IGSF21: variants seen among roughly 807,000 people sequenced by gnomAD.
IGSF21 encodes immunoglobulin superfamily member 21.
Under a neutral mutation model 46.8 loss-of-function variants are expected in IGSF21, and 28 were observed. The ratio of observed to expected loss-of-function variants is 0.60; its 90% CI spans 0.44 to 0.82. IGSF21 has a LOEUF of 0.82. Ranked by LOEUF, IGSF21 falls within the 40% of genes least tolerant of loss-of-function variation. The pLI is 0.00. For synonymous variants in IGSF21, 284 were observed against 273.6 expected (o/e 1.04, Z -0.38); for missense variants, 624 against 665.5 (o/e 0.94, Z 0.69).
chr1:18,147,624 A>G (rs910141360), intron 1 of IGSF21, among the ~76,000 whole-genome samples: 4 of 152,140 alleles, frequency 2.6e-5, no homozygotes, highest in African/African-American at 9.7e-5. Flanking sequence ...TTTTTTGCTC[A>G]TCATCTGTTT....
chr1:18,321,800 A>G (rs2085603813), intron 3 of IGSF21, among the ~76,000 whole-genome samples: 2 of 152,216 alleles, frequency 1.3e-5, no homozygotes, highest in African/African-American at 4.8e-5. Context: ...TTTGGACCGT[A>G]GCAGGTATCA....
At chr1:18,152,949 A>G (rs1192493882) in intron 1 of IGSF21, among the ~76,000 whole-genome samples, 2 of 152,200 alleles carry the variant, frequency 1.3e-5, no homozygotes, top group Admixed American at 6.5e-5. Context: ...TGAGGATAGA[A>G]GAGATAATGC....
At chr1:18,133,634 T>C (rs1010548683) in intron 1 of IGSF21, among the ~76,000 whole-genome samples, 3 of 152,202 alleles carry the variant, frequency 2.0e-5, no homozygotes, top group Non-Finnish European at 4.4e-5. Context: ...CTTCAGATCT[T>C]CCCCTACCAA....
At chr1:18,237,077 C>T (rs2084680009) in intron 2 of IGSF21, among the ~76,000 whole-genome samples, 1 of 152,206 alleles carries the variant, frequency 6.6e-6, no homozygotes, top group African/African-American at 2.4e-5. Context: ...ATTTGCATGT[C>T]ATTCATAAAA....
At chr1:18,308,221 C>T (rs539177503) in intron 3 of IGSF21, among the ~76,000 whole-genome samples, 3 of 152,310 alleles carry the variant, frequency 2.0e-5, no homozygotes, top group East Asian at 1.9e-4. Flanking sequence ...GAAGAATTAA[C>T]GGGGGATCTG....
At chr1:18,221,181 C>T (rs556032794) in intron 1 of IGSF21, among the ~76,000 whole-genome samples, 6 of 152,214 alleles carry the variant, frequency 3.9e-5, no homozygotes, top group African/African-American at 1.2e-4. Context: ...CCCCTATTAT[C>T]CAAATAGGCA....
chr1:18,148,258 G>A (rs1278611619), intron 1 of IGSF21, among the ~76,000 whole-genome samples: 1 of 151,458 alleles, frequency 6.6e-6, no homozygotes, highest in South Asian at 2.1e-4. Flanking sequence ...AGCCTCCAGA[G>A]TAGCTGGGAC....
rs189484728 is a variant in IGSF21 at position 18,187,518 on chromosome 1, C to T, written c.71-40380C>T. Among the ~76,000 whole-genome samples the T allele has an allele frequency of 2.7e-3, 407 of 152,170 alleles. 21 individuals carry two copies. The South Asian group carries it at 0.077, about 29-fold the overall frequency. ...CAAAAGGAGTTTCCCCTTATAAAAC[C>T]GTCAAATTTCACGAGACTTAATCAC... On this transcript the variant is annotated intron_variant, in intron 1 of 9. Coordinates refer to ENST00000251296, the MANE Select transcript of IGSF21 (RefSeq NM_032880.5).
At chr1:18,159,133 C>T (rs748975067) in intron 1 of IGSF21, among the ~76,000 whole-genome samples, 5 of 152,232 alleles carry the variant, frequency 3.3e-5, no homozygotes, top group Non-Finnish European at 7.3e-5. Flanking sequence ...ATGAGTTCCT[C>T]CAGCTGTTCT....
chr1:18,357,676 G>A (rs951067798), intron 4 of IGSF21, among the ~76,000 whole-genome samples: 1 of 152,230 alleles, frequency 6.6e-6, no homozygotes, highest in East Asian at 1.9e-4. Context: ...AGAAGAGGGC[G>A]ATGCTAATAG....
At chr1:18,354,973 T>C (rs924510455) in intron 4 of IGSF21, among the ~76,000 whole-genome samples, 1 of 152,228 alleles carries the variant, frequency 6.6e-6, no homozygotes, top group African/African-American at 2.4e-5. Flanking sequence ...TCAAAAACCC[T>C]GGAAGCTGAG....
chr1:18,245,404 T>A (rs2084774803), intron 2 of IGSF21, among the ~76,000 whole-genome samples: 1 of 152,222 alleles, frequency 6.6e-6, no homozygotes, highest in South Asian at 2.1e-4. Flanking sequence ...AACAAATAGC[T>A]TGTGTAGCAA....
At chr1:18,160,752 T>G (rs1444398343) in intron 1 of IGSF21, among the ~76,000 whole-genome samples, 1 of 152,180 alleles carries the variant, frequency 6.6e-6, no homozygotes, top group African/African-American at 2.4e-5. Context: ...TTGTTCTATC[T>G]GGGAATCACA....
intron 2 of IGSF21, among the ~76,000 whole-genome samples, chr1:18,273,457 TCTCTC>T (rs2085067049): frequency 3.3e-5 from 2 of 61,416 alleles, no homozygotes; most frequent in African/African-American, 1.6e-4. Flanking sequence ...TTTCTTTCTT[TCTCTC>T]TCTTTCTTTC....
chr1:18,129,919 G>A (rs561622703), intron 1 of IGSF21, among the ~76,000 whole-genome samples: 1 of 152,304 alleles, frequency 6.6e-6, no homozygotes, highest in East Asian at 1.9e-4. Flanking sequence ...GACACAGCAA[G>A]AGGGGCCTCG....
intron 1 of IGSF21, among the ~76,000 whole-genome samples, chr1:18,185,835 G>C (rs1040946575): frequency 6.6e-6 from 1 of 152,206 alleles, no homozygotes; most frequent in African/African-American, 2.4e-5. Context: ...AGCTGGTCAT[G>C]TGTTTGTTGC....
chr1:18,283,588 C>G (rs542431258), intron 2 of IGSF21, among the ~76,000 whole-genome samples: 2 of 152,098 alleles, frequency 1.3e-5, no homozygotes, highest in East Asian at 3.9e-4. Context: ...CTGTGCCCCT[C>G]CCCCTACACA....
Position 18,365,598 on chromosome 1 carries a change from A to G in IGSF21, c.916A>G (p.Thr306Ala). The G allele has an allele frequency of 6.2e-7, 1 of 1,614,182 alleles. No individual in the cohort carries two copies. The highest frequency in any genetic ancestry group is 8.5e-7 in the Non-Finnish European group (1 of 1,180,034). Residue 306 changes from threonine to alanine, a missense_variant, in exon 6 of 10, where the codon ACC becomes GCC. Thr to Ala is a moderately conservative substitution (Grantham distance 58). Transcript: ENST00000251296. This position sits in a 1 kb window ranked among gnomAD's most constrained non-coding sequence, Gnocchi z 4.8. ...CACTGTGGAAGTACGTGCCCTGCTC[A>G]CCTGGACCCTCAACCCACAGATCGA... ...DGTVEVRALLTWTLNPQIDNE... is the reference protein window; with the variant it reads ...DGTVEVRALLAWTLNPQIDNE...
chr1:18,239,794 T>C (rs2084708649), intron 2 of IGSF21, among the ~76,000 whole-genome samples: 1 of 151,952 alleles, frequency 6.6e-6, no homozygotes, highest in African/African-American at 2.4e-5. Context: ...CATCCATTTT[T>C]CCCCCTTCAA....
Sources: gnomAD v4.1 joint callset for allele counts (sites outside exome capture counted in the v4.1 genomes callset) on GRCh38, gnomAD v4.1.1 for gene constraint, Gnocchi (gnomAD v3.1) non-coding constraint, MANE v1.5 for transcripts, NCBI Gene and HGNC (gene_info 2026-07-23, HGNC 2026-07-21) for gene names.